STX18: variants seen among roughly 807,000 people sequenced by gnomAD.
The protein encoded by STX18 is syntaxin-18.
STX18 carries 40 observed loss-of-function variants against 50.1 expected under a neutral mutation model. The ratio of observed to expected loss-of-function variants is 0.80; its 90% CI spans 0.62 to 1.04. The LOEUF (loss-of-function observed/expected upper bound fraction) is 1.04, where lower values mean the gene tolerates loss of function less well. STX18 is among the 50% of genes least tolerant of loss of function. The pLI, the probability that STX18 is intolerant of heterozygous loss-of-function variation, is 0.00. For missense variants in STX18, 410 were observed against 415.8 expected, an observed-to-expected ratio of 0.99 and a Z score of 0.12; for synonymous variants, 158 against 151.8, an observed-to-expected ratio of 1.04 and a Z score of -0.30.
At chr4:4,459,055 C>T (rs1201936582) in intron 3 of STX18, among the ~76,000 whole-genome samples, 2 of 137,662 alleles carry the variant, frequency 1.5e-5, no homozygotes, top group Non-Finnish European at 3.0e-5. Context: ...ACAGAACACA[C>T]ACACACGCAC....
At chr4:4,448,622 A>C (rs1180525861) in intron 5 of STX18, among the ~76,000 whole-genome samples, 1 of 152,124 alleles carries the variant, frequency 6.6e-6, no homozygotes, top group Non-Finnish European at 1.5e-5. Context: ...GATTACAGGC[A>C]TGAGCCACCG....
In STX18 at chr4:4,438,397, G is replaced by C; in HGVS notation, c.610C>G (p.Pro204Ala). Residue 204 changes from proline (P) to alanine (A), a missense_variant, in exon 6 of 11, where the codon CCA becomes GCA. Pro to Ala is a conservative substitution (Grantham distance 27, BLOSUM62 -1). Transcript: ENST00000306200. ...AGATTTTCATCTCAATTCGTACCTGGACGTTCTTCAGTGGCAGGGTTTTCT... is the reference window on the plus strand; with the variant it reads ...AGATTTTCATCTCAATTCGTACCTGCACGTTCTTCAGTGGCAGGGTTTTCT... ...SEENPATEER[P>A]EKILAETQPE... The C allele has an allele frequency of 1.9e-6, 3 of 1,609,392 alleles. No homozygotes were observed. The highest frequency in any genetic ancestry group is 2.5e-6 in the Non-Finnish European group (3 of 1,177,166).
chr4:4,538,390 C>T (rs1182978955), intron 1 of STX18, among the ~76,000 whole-genome samples: 1 of 152,146 alleles, frequency 6.6e-6, no homozygotes, highest in Non-Finnish European at 1.5e-5. Flanking sequence ...CCATCTTTTA[C>T]GAATGCAGAC....
intron 2 of STX18, chr4:4,461,925 C>T (rs767719434): frequency 1.1e-5 from 5 of 456,126 alleles, no homozygotes; most frequent in South Asian, 3.1e-5. Flanking sequence ...GCAGAGGTTC[C>T]GCTCTGTTCC....
At chr4:4,434,434 C>T (rs1335785638) in intron 7 of STX18, among the ~76,000 whole-genome samples, 1 of 152,206 alleles carries the variant, frequency 6.6e-6, no homozygotes, top group Non-Finnish European at 1.5e-5. Flanking sequence ...ATAGCACTAG[C>T]AATTCAAACA....
intron 1 of STX18, among the ~76,000 whole-genome samples, chr4:4,491,573 T>C (rs1225775806): frequency 6.6e-6 from 1 of 152,092 alleles, no homozygotes; most frequent in Non-Finnish European, 1.5e-5. Flanking sequence ...AGAGGAAGTA[T>C]ACTTTGGGTA....
chr4:4,496,731 A>G (rs987989369), intron 1 of STX18, among the ~76,000 whole-genome samples: 4 of 152,202 alleles, frequency 2.6e-5, no homozygotes. Flanking sequence ...TTTCTATGCT[A>G]AACAGCTGTC....
At chr4:4,490,812 C>A (rs1014057056) in intron 1 of STX18, among the ~76,000 whole-genome samples, 5 of 152,148 alleles carry the variant, frequency 3.3e-5, no homozygotes, top group South Asian at 2.1e-4. Flanking sequence ...TCTGCAAATA[C>A]ATTTTAGAGA....
At chr4:4,449,118 C>T (rs1726605705) in intron 5 of STX18, among the ~76,000 whole-genome samples, 2 of 144,910 alleles carry the variant, frequency 1.4e-5, no homozygotes, top group African/African-American at 5.2e-5. Flanking sequence ...GTGATCATAG[C>T]TCACTGCAGC....
chr4:4,496,585 G>T (rs904886312), intron 1 of STX18, among the ~76,000 whole-genome samples: 1 of 152,086 alleles, frequency 6.6e-6, no homozygotes, highest in Non-Finnish European at 1.5e-5. Context: ...AAGCCTTTGC[G>T]CTAAGGAGGA....
intron 7 of STX18, chr4:4,425,601 T>C (rs1725206685): frequency 7.3e-6 from 2 of 272,676 alleles, no homozygotes; most frequent in Admixed American, 9.2e-5. Flanking sequence ...TCATGAACTA[T>C]ACTGAAGGAC....
chr4:4,539,410 G>T (rs898059064), intron 1 of STX18, among the ~76,000 whole-genome samples: 2 of 152,214 alleles, frequency 1.3e-5, no homozygotes, highest in African/African-American at 4.8e-5. Flanking sequence ...AAAAGCACAG[G>T]ACATCCATCA....
chr4:4,425,218 T>C lies in STX18; in HGVS notation c.707A>G (p.Glu236Gly), dbSNP rs1444031816. ...ELSPEEIQMF[E>G]QENQRLIGEM... ...ACCAATTAGTCGCTGATTTTCCTGTTCAAACTGTGAGGAAACAGACACACT... is the reference window on the plus strand; with the variant it reads ...ACCAATTAGTCGCTGATTTTCCTGTCCAAACTGTGAGGAAACAGACACACT... The change falls in exon 8 of 11, where the codon GAA (glutamate) becomes GGA (glycine). Residue 236 changes from glutamate (E) to glycine (G), a missense_variant. By Grantham distance (98) the Glu-to-Gly change is moderately conservative (BLOSUM62 -2). Coordinates refer to ENST00000306200, the MANE Select transcript of STX18 (RefSeq NM_016930.4). 1 of 1,614,056 alleles carries C rather than the reference T, an allele frequency of 6.2e-7. No individual in the cohort carries two copies. Among genetic ancestry groups the C allele is most frequent in the African/African-American group, 1.3e-5 (1 of 75,054 alleles).
At chr4:4,511,635 T>C (rs535752998) in intron 1 of STX18, among the ~76,000 whole-genome samples, 8 of 152,110 alleles carry the variant, frequency 5.3e-5, no homozygotes, top group African/African-American at 1.7e-4. Flanking sequence ...CGTATTTGTA[T>C]ACTAGGGCAG....
chr4:4,457,353 A>G (rs1341071336), intron 4 of STX18, 70 bp downstream of exon 4: 1 of 1,567,648 alleles, frequency 6.4e-7, no homozygotes, highest in Non-Finnish European at 8.8e-7. Flanking sequence ...GTCTTCAGCT[A>G]GCAAAGCTAA....
chr4:4,525,799 G>A (rs981313245), intron 1 of STX18, among the ~76,000 whole-genome samples: 3 of 152,082 alleles, frequency 2.0e-5, no homozygotes, highest in African/African-American at 7.2e-5. Context: ...AAAATAATAA[G>A]GCAAGGGATG....
intron 7 of STX18, among the ~76,000 whole-genome samples, chr4:4,427,459 G>A (rs1374753893): frequency 6.6e-6 from 1 of 152,188 alleles, no homozygotes; most frequent in Non-Finnish European, 1.5e-5. Context: ...AGTATTTAAG[G>A]AAAACATGTA....
rs543305454 is a variant in STX18 at position 4,525,602 on chromosome 4, TA to T, written c.168+16194del. On this transcript the variant is annotated intron_variant, in intron 1 of 10. Coordinates refer to ENST00000306200, the MANE Select transcript of STX18 (RefSeq NM_016930.4). Reference sequence around the variant, plus strand: ...AAGAAGATATGGTGTCTGTTCTGTCTAAAGGCTGTATTACTGGGTACAAGAG... The same window carrying T: ...AAGAAGATATGGTGTCTGTTCTGTCTAAGGCTGTATTACTGGGTACAAGAG... Among the ~76,000 whole-genome samples the T allele has an allele frequency of 1.1e-4, 16 of 152,258 alleles. No individual in the cohort carries two copies. In the South Asian group the frequency reaches 3.3e-3, roughly 32 times the overall value.
At chr4:4,464,548 T>A (rs2108826319) in intron 2 of STX18, among the ~76,000 whole-genome samples, 1 of 152,314 alleles carries the variant, frequency 6.6e-6, no homozygotes, top group South Asian at 2.1e-4. Context: ...CCTAGGTAAC[T>A]CGTACTCCTT....
Sources: gnomAD v4.1 joint callset for allele counts (sites outside exome capture counted in the v4.1 genomes callset) on GRCh38, gnomAD v4.1.1 for gene constraint, MANE v1.5 for transcripts, NCBI Gene and HGNC (gene_info 2026-07-23, HGNC 2026-07-21) for gene names.